The following DUSP15 variants were observed in gnomAD, a reference collection of about 807,000 sequenced individuals.
The protein encoded by DUSP15 is dual specificity phosphatase 15.
A neutral mutation model predicts 26.3 loss-of-function variants in DUSP15; 23 were observed. The ratio of observed to expected loss-of-function variants is 0.87; its 90% CI spans 0.63 to 1.24. The LOEUF (loss-of-function observed/expected upper bound fraction) is 1.24. Ranked by LOEUF, DUSP15 falls within the 50% of genes most tolerant of loss-of-function variation. The pLI, the probability that DUSP15 is intolerant of heterozygous loss-of-function variation, is 0.00. For synonymous variants in DUSP15, 143 were observed against 135.5 expected, an observed-to-expected ratio of 1.06 and a Z score of -0.39; for missense variants, 364 against 320.6, an observed-to-expected ratio of 1.14 and a Z score of -1.03.
At chr20:31,845,628 T>C, downstream of DUSP15, 1 of 1,515,648 alleles carries the variant, frequency 6.6e-7, no homozygotes, top group Admixed American at 1.9e-5. Flanking sequence ...CCCAGGCTGG[T>C]TAAAAGGTCC....
chr20:31,864,080 C>T (rs1440083813), intron 4 of DUSP15, 99 bp from the exon 5 acceptor site: 2 of 1,565,482 alleles, frequency 1.3e-6, no homozygotes, highest in Non-Finnish European at 1.7e-6. Context: ...GGACATAGAG[C>T]CCTGGGGTCC....
exon 9 of DUSP15, chr20:31,848,891 T>C: frequency 6.2e-7 from 1 of 1,611,768 alleles, no homozygotes; most frequent in Non-Finnish European, 8.5e-7. Context: ...GTACTTTGGG[T>C]CCGGTGACCA....
chr20:31,846,901 T>C (rs1035891654), downstream of DUSP15, among the ~76,000 whole-genome samples: 31 of 152,194 alleles, frequency 2.0e-4, no homozygotes, highest in Non-Finnish European at 3.1e-4. Flanking sequence ...TTACACAGAA[T>C]GCAGCACCCT....
At chr20:31,848,255 C>T (rs992776718) in exon 10 of DUSP15, 83 of 843,924 alleles carry the variant, frequency 9.8e-5, no homozygotes, top group Admixed American at 3.7e-4. Context: ...TCTCGAGTTC[C>T]GGGGCCCCGT....
rs2062733585 is a variant in DUSP15, at chr20:31,864,925, A to C, written c.188+28T>G. Reference sequence around the variant, plus strand: ...CACCACAGAAGGCAGCTGTCTGTCCATCTATGGGTCCATCCAGGGGAACTT... The same window carrying C: ...CACCACAGAAGGCAGCTGTCTGTCCCTCTATGGGTCCATCCAGGGGAACTT... On this transcript the variant is annotated intron_variant, in intron 4 of 6. Coordinates refer to ENST00000339738, the MANE Select transcript of DUSP15 (RefSeq NM_080611.5). The C allele has an allele frequency of 5.6e-6, 9 of 1,608,152 alleles. No homozygotes were observed. In the East Asian group the frequency reaches 1.6e-4, roughly 28 times the overall value.
Position 31,870,060 on chromosome 20 carries a change from TG to T in DUSP15, c.21+256del. The T allele has an allele frequency of 1.6e-6, 2 of 1,266,140 alleles. No individual in the cohort carries two copies. The highest frequency in any genetic ancestry group is 2.0e-6 in the Non-Finnish European group (2 of 1,006,810). The allele number at this position is 1,266,140 out of a possible 1,614,324, so 78.4% of individuals were successfully genotyped here. ...GAGCAGGACTCACTGGGAGACAGCC[TG>T]GGAGTGACAGCCACAGCAAGACAGC... On this transcript the variant is annotated intron_variant, in intron 1 of 6. Transcript: ENST00000339738. The surrounding 1 kb of genome is among the most constrained non-coding windows in gnomAD (Gnocchi z 6.6).
intron 6 of DUSP15, among the ~76,000 whole-genome samples, chr20:31,853,887 A>G (rs936333831): frequency 2.4e-4 from 36 of 152,136 alleles, no homozygotes; most frequent in African/African-American, 8.2e-4. Context: ...TACAGGTGTG[A>G]GTTACCGTGC....
At chr20:31,867,847 G>C (rs1340780804) in intron 2 of DUSP15, among the ~76,000 whole-genome samples, 1 of 151,884 alleles carries the variant, frequency 6.6e-6, no homozygotes, top group Non-Finnish European at 1.5e-5. Flanking sequence ...GGGTTTCACC[G>C]TGTTAGCCAG....
downstream of DUSP15, among the ~76,000 whole-genome samples, chr20:31,859,283 T>C (rs1217403602): frequency 1.5e-5 from 2 of 129,050 alleles, no homozygotes. Flanking sequence ...GTAAATTTCA[T>C]GTCTATGCAT....
In DUSP15 at chr20:31,861,177, A is replaced by C; in HGVS notation, c.*226T>G. ...AAGGGTGGGCCCCCTCCCCCAGCCC[A>C]AGGACTAAGGCACCAGGTGGCTGCA... On this transcript the variant is annotated 3_prime_UTR_variant, in exon 7 of 7. Coordinates refer to ENST00000339738, the MANE Select transcript of DUSP15 (RefSeq NM_080611.5). 43 of 1,255,988 alleles carry C rather than the reference A, an allele frequency of 3.4e-5. No individual in the cohort carries two copies. The highest frequency in any genetic ancestry group is 4.5e-5 in the Admixed American group (1 of 22,270). The allele number at this position is 1,255,988 out of a possible 1,614,324, so 77.8% of individuals were successfully genotyped here.
chr20:31,864,537 T>G, intron 4 of DUSP15: 1 of 849,722 alleles, frequency 1.2e-6, no homozygotes, highest in Non-Finnish European at 1.4e-6. Flanking sequence ...CCTCCTTGAC[T>G]CTGATCATGC....
At chr20:31,870,606 G>A, upstream of DUSP15, 1 of 1,379,722 alleles carries the variant, frequency 7.2e-7, no homozygotes, top group Non-Finnish European at 9.4e-7. The surrounding 1 kb of genome is among the most constrained non-coding windows in gnomAD (Gnocchi z 6.6). Context: ...CCCGCCTCGG[G>A]TCGCGGCGGG....
chr20:31,846,625 C>T (rs974575596), downstream of DUSP15, among the ~76,000 whole-genome samples: 4 of 152,128 alleles, frequency 2.6e-5, no homozygotes, highest in South Asian at 2.1e-4. Context: ...CTTGGGGCCA[C>T]ACCACTCCTA....
At chr20:31,846,145 GAC>G (rs1377579163), downstream of DUSP15, among the ~76,000 whole-genome samples, 108 of 129,760 alleles carry the variant, frequency 8.3e-4, 1 homozygote, top group Non-Finnish European at 1.1e-3. Flanking sequence ...CACACACACA[GAC>G]ACACACACAC....
intron 7 of DUSP15, among the ~76,000 whole-genome samples, chr20:31,850,265 G>C (rs757586905): frequency 1.1e-4 from 17 of 152,218 alleles, no homozygotes; most frequent in Non-Finnish European, 1.9e-4. Flanking sequence ...CCTGCTCAGT[G>C]GTTAGGGTTG....
intron 4 of DUSP15, among the ~76,000 whole-genome samples, chr20:31,864,721 C>T (rs1430311892): frequency 1.3e-5 from 2 of 152,194 alleles, no homozygotes; most frequent in Non-Finnish European, 2.9e-5. Context: ...TACAGAGTGT[C>T]CTTTTCCCAT....
chr20:31,847,425 AG>A (rs1312678547), downstream of DUSP15, among the ~76,000 whole-genome samples: 1 of 152,248 alleles, frequency 6.6e-6, no homozygotes, highest in Non-Finnish European at 1.5e-5. Context: ...ACTGGAACAG[AG>A]GCCTGGAACA....
chr20:31,850,506 C>G, intron 7 of DUSP15: 1 of 1,192,422 alleles, frequency 8.4e-7, no homozygotes, highest in African/African-American at 1.5e-5. Context: ...TTATTGGGAG[C>G]CTGGGCTGGG....
chr20:31,861,690 T>A lies in DUSP15; in HGVS notation c.436-15A>T. On this transcript the variant is annotated splice_polypyrimidine_tract_variant and intron_variant, in intron 6 of 6. Transcript: ENST00000339738. ...TGCCGGCGAAGCTGGGGTGGGCGGG[T>A]GAGGTGGGCGGGGTCAAGGCCGGCG... 1 of 893,096 alleles carries A rather than the reference T, an allele frequency of 1.1e-6. No homozygotes were observed. The highest frequency in any genetic ancestry group is 1.4e-6 in the Non-Finnish European group (1 of 706,058). 55.3% of individuals were successfully genotyped at this position (893,096 alleles called of 1,614,324 possible). A position where few individuals can be genotyped will look rare whatever the true frequency, so the allele number is the denominator to read the frequency against.
Sources: gnomAD v4.1 joint callset for allele counts (sites outside exome capture counted in the v4.1 genomes callset) on GRCh38, gnomAD v4.1.1 for gene constraint, Gnocchi (gnomAD v3.1) non-coding constraint, MANE v1.5 for transcripts, NCBI Gene and HGNC (gene_info 2026-07-23, HGNC 2026-07-21) for gene names.